Variants in PDE1C observed in about 807,000 individuals in gnomAD.
The protein encoded by PDE1C is dual specificity calcium/calmodulin-dependent 3',5'-cyclic nucleotide phosphodiesterase 1C.
A neutral mutation model predicts 93.1 loss-of-function variants in PDE1C; 62 were observed. The observed-to-expected ratio is 0.67, with a 90% CI of 0.54 to 0.82. PDE1C has a LOEUF of 0.82. Ranked by LOEUF, PDE1C falls within the 40% of genes least tolerant of loss-of-function variation. The pLI, the probability that PDE1C is intolerant of heterozygous loss-of-function variation, is 0.00. For missense variants in PDE1C, 742 were observed against 884.6 expected (o/e 0.84, Z 2.04); for synonymous variants, 325 against 310.1 (o/e 1.05, Z -0.50).
At chr7:32,322,427 C>T (rs527337185) in intron 1 of PDE1C, among the ~76,000 whole-genome samples, 51 of 152,116 alleles carry the variant, frequency 3.4e-4, no homozygotes, top group Middle Eastern at 3.4e-3. Flanking sequence ...CACAGAAAGA[C>T]GCCATCTCTA....
intron 1 of PDE1C, among the ~76,000 whole-genome samples, chr7:32,224,534 CACTT>C (rs1210089724): frequency 6.6e-6 from 1 of 152,196 alleles, no homozygotes; most frequent in African/African-American, 2.4e-5. Context: ...ATATGTAAAA[CACTT>C]ACAACGGTCT....
intron 1 of PDE1C, among the ~76,000 whole-genome samples, chr7:32,256,450 C>A (rs1234700012): frequency 6.6e-6 from 1 of 152,112 alleles, no homozygotes; most frequent in Admixed American, 6.6e-5. Context: ...GAATTCGCAC[C>A]CCAGCTCCCC....
intron 3 of PDE1C, among the ~76,000 whole-genome samples, chr7:32,101,822 T>C (rs1484329830): frequency 1.3e-5 from 2 of 152,166 alleles, no homozygotes; most frequent in Non-Finnish European, 2.9e-5. Flanking sequence ...TAAAGATACC[T>C]GAAGATGTGG....
the PDE1C span, among the ~76,000 whole-genome samples, chr7:31,705,755 T>C: frequency 6.6e-6 from 1 of 151,998 alleles, no homozygotes; most frequent in Non-Finnish European, 1.5e-5. Flanking sequence ...CGTCTCATTA[T>C]GAGAAGGAAG....
chr7:31,780,269 C>T (rs540272325), intron 16 of PDE1C, among the ~76,000 whole-genome samples: 1 of 152,132 alleles, frequency 6.6e-6, no homozygotes, highest in Non-Finnish European at 1.5e-5. Flanking sequence ...GGGAGGGAAG[C>T]CTTACTTTCT....
chr7:32,248,289 A>AT (rs910476869), intron 1 of PDE1C, among the ~76,000 whole-genome samples: 4 of 152,276 alleles, frequency 2.6e-5, no homozygotes, highest in African/African-American at 9.6e-5. Context: ...GAGGGAAAGA[A>AT]TTTAGAGTGG....
At chr7:32,048,118 G>A (rs867492349) in intron 2 of PDE1C, among the ~76,000 whole-genome samples, 2 of 152,176 alleles carry the variant, frequency 1.3e-5, no homozygotes, top group African/African-American at 4.8e-5. Flanking sequence ...TTCATCAAAT[G>A]AGGAATCCAC....
chr7:32,313,402 G>C (rs1783097952), intron 1 of PDE1C, among the ~76,000 whole-genome samples: 1 of 151,510 alleles, frequency 6.6e-6, no homozygotes, highest in Non-Finnish European at 1.5e-5. Context: ...CCCATTACTG[G>C]GTATATACCC....
chr7:31,761,321 G>A (rs1794823462), intron 17 of PDE1C, among the ~76,000 whole-genome samples: 1 of 152,068 alleles, frequency 6.6e-6, no homozygotes. Flanking sequence ...ATGTACCTGA[G>A]TCATATACTG....
At position 32,262,577 on chromosome 7, in the gene PDE1C, G is replaced by A. The variant is rs115276642; in HGVS notation, c.85+36074C>T. On this transcript the variant is annotated intron_variant, in intron 1 of 18. Coordinates refer to the PDE1C transcript ENST00000396193. ...TGTGTGTGTTGACTATGGCAGATACGCAGCAAAGCCACCAACACTACTGCA... is the reference window on the plus strand; with the variant it reads ...TGTGTGTGTTGACTATGGCAGATACACAGCAAAGCCACCAACACTACTGCA... Among the ~76,000 whole-genome samples, 536 of 152,254 alleles carry A rather than the reference G, an allele frequency of 3.5e-3. 5 individuals are homozygous for A. The highest frequency in any genetic ancestry group is 0.012 in the African/African-American group (502 of 41,552).
chr7:32,204,396 T>C (rs1805259609), intron 2 of PDE1C, among the ~76,000 whole-genome samples: 1 of 152,196 alleles, frequency 6.6e-6, no homozygotes, highest in Non-Finnish European at 1.5e-5. Flanking sequence ...GGGGAGAAAT[T>C]AGTCCTCCCT....
intron 2 of PDE1C, among the ~76,000 whole-genome samples, chr7:31,981,357 G>A (rs1168350936): frequency 6.6e-6 from 1 of 151,990 alleles, no homozygotes; most frequent in Admixed American, 6.6e-5. Context: ...TTTGAGGTTT[G>A]GTAGATAAGG....
the PDE1C span, chr7:31,651,330 T>C: frequency 6.3e-7 from 1 of 1,579,950 alleles, no homozygotes; most frequent in Admixed American, 1.8e-5. Flanking sequence ...GCAAGGAAGA[T>C]AATCAGGGCA....
intron 2 of PDE1C, among the ~76,000 whole-genome samples, chr7:31,922,447 G>A (rs984763554): frequency 1.4e-4 from 21 of 152,204 alleles, no homozygotes. Flanking sequence ...TCTGGAGGCT[G>A]TAATCCTACT....
At chr7:31,660,861 ATATATAT>A in the PDE1C span, among the ~76,000 whole-genome samples, 1 of 151,594 alleles carries the variant, frequency 6.6e-6, no homozygotes, top group Non-Finnish European at 1.5e-5. Context: ...CAATCATGCA[ATATATAT>A]TATATATAAT....
chr7:32,118,260 C>G (rs1028054609), intron 3 of PDE1C, among the ~76,000 whole-genome samples: 1 of 152,218 alleles, frequency 6.6e-6, no homozygotes, highest in Admixed American at 6.5e-5. Flanking sequence ...AAAGGAACAT[C>G]TGTGAGCAGA....
chr7:31,812,596 T>C (rs2128716882), intron 15 of PDE1C, among the ~76,000 whole-genome samples: 1 of 152,222 alleles, frequency 6.6e-6, no homozygotes, highest in Non-Finnish European at 1.5e-5. Context: ...AATTTTAATT[T>C]CTATAAATAA....
chr7:32,119,551 C>G (rs1387752474), intron 3 of PDE1C, among the ~76,000 whole-genome samples: 1 of 152,170 alleles, frequency 6.6e-6, no homozygotes, highest in Non-Finnish European at 1.5e-5. Flanking sequence ...CAAAAAGAAC[C>G]ATAATAGCGT....
At chr7:31,880,934 T>C in intron 2 of PDE1C, 74 bp from the exon 3 acceptor site, 1 of 926,488 alleles carries the variant, frequency 1.1e-6, no homozygotes, top group East Asian at 2.4e-5. Context: ...TGGTGATACA[T>C]TTTACAGTCA....
Sources: gnomAD v4.1 joint callset for allele counts (sites outside exome capture counted in the v4.1 genomes callset) on GRCh38, gnomAD v4.1.1 for gene constraint, MANE v1.5 for transcripts, NCBI Gene and HGNC (gene_info 2026-07-23, HGNC 2026-07-21) for gene names.